Variants in LANCL3 observed in about 807,000 individuals in gnomAD.
LANCL3 encodes the protein LanC like family member 3, also known as lanC-like protein 3.
A neutral mutation model predicts 26.5 loss-of-function variants in LANCL3; 19 were observed. That is an observed-to-expected ratio of 0.72 (90% confidence interval 0.50 to 1.05). The LOEUF (loss-of-function observed/expected upper bound fraction) is 1.05. LANCL3 is among the 50% of genes least tolerant of loss of function. The pLI is 0.00. For synonymous variants in LANCL3, 160 were observed against 166.6 expected, an observed-to-expected ratio of 0.96 and a Z score of 0.30; for missense variants, 318 against 362.7, an observed-to-expected ratio of 0.88 and a Z score of 1.00.
intron 3 of LANCL3, among the ~76,000 whole-genome samples, chrX:37,663,990 T>C (rs1461881008): frequency 9.0e-6 from 1 of 111,584 alleles, no homozygotes; most frequent in Non-Finnish European, 1.9e-5. Flanking sequence ...GGCAAGGAAG[T>C]CAATATTTTG....
In LANCL3 at chrX:37,606,070, G is replaced by A. The variant is rs1344627312; in HGVS notation, c.573+33627G>A. 3.6e-5 allele frequency among the ~76,000 whole-genome samples: 4 copies of A among 111,673 alleles called. No homozygotes were observed. In the Admixed American group the frequency reaches 3.8e-4, roughly 11 times the overall value. On this transcript the variant is annotated intron_variant, in intron 1 of 4. Transcript: ENST00000378619. ...AAGAACACAAAGCAATATCAGCAAA[G>A]GGAGAATTGAATGGATTGAAATACT...
chrX:37,633,757 C>T (rs1393078159), intron 1 of LANCL3, among the ~76,000 whole-genome samples: 3 of 111,694 alleles, frequency 2.7e-5, no homozygotes, highest in South Asian at 3.8e-4. Flanking sequence ...TTTCGTGAAC[C>T]GCAAATGCTG....
chrX:37,664,589 A>T (rs182389410), intron 3 of LANCL3, among the ~76,000 whole-genome samples: 7 of 111,397 alleles, frequency 6.3e-5, no homozygotes, highest in African/African-American at 2.0e-4. Flanking sequence ...TTTGATTCAG[A>T]GGGTACATGT....
intron 1 of LANCL3, among the ~76,000 whole-genome samples, chrX:37,622,197 T>A (rs1160180636): frequency 9.0e-6 from 1 of 111,489 alleles, no homozygotes; most frequent in Admixed American, 9.6e-5. Context: ...GAAACTTGGA[T>A]ACCCATAAAG....
intron 3 of LANCL3, among the ~76,000 whole-genome samples, chrX:37,663,113 C>T (rs1265896776): frequency 8.9e-6 from 1 of 112,359 alleles, no homozygotes; most frequent in Admixed American, 9.4e-5. Context: ...AAATGGGGCA[C>T]TTTATGGTCA....
intron 4 of LANCL3, among the ~76,000 whole-genome samples, chrX:37,672,649 C>A (rs1278290565): frequency 1.8e-5 from 2 of 111,810 alleles, no homozygotes; most frequent in African/African-American, 3.3e-5. Flanking sequence ...TAGTTACTTT[C>A]CAAGCTCAAA....
In LANCL3 at chrX:37,666,583, A is replaced by C. The variant is rs782634928; in HGVS notation, c.896-699A>C. 2.7e-5 allele frequency among the ~76,000 whole-genome samples: 3 copies of C among 112,041 alleles called. No homozygotes were observed. In the South Asian group the frequency reaches 1.1e-3, roughly 42 times the overall value. ...GATACCAACCTCCTCACTGAATATG[A>C]ACACCCAGAACTTGGGGAAAATCAT... On this transcript the variant is annotated intron_variant, in intron 3 of 4. Transcript: ENST00000378619.
intron 1 of LANCL3, among the ~76,000 whole-genome samples, chrX:37,626,869 T>G (rs1233171949): frequency 2.7e-5 from 3 of 111,963 alleles, no homozygotes; most frequent in Non-Finnish European, 3.8e-5. Flanking sequence ...GAATGTGAAT[T>G]AATAATAAGC....
chrX:37,584,043 G>T (rs1411712795), intron 1 of LANCL3, among the ~76,000 whole-genome samples: 3 of 111,763 alleles, frequency 2.7e-5, no homozygotes, highest in African/African-American at 9.8e-5. Context: ...GTTTAATTTT[G>T]TCAAAGGTCT....
At position 37,684,424 on chromosome X, in the gene LANCL3, T is replaced by A. The variant is rs1927008237; in HGVS notation, c.*8611T>A. ...TACAGTACACTTAATGTAAAACCTG[T>A]GATAATCCTTTGCCTTAAAATAAAA... is the stretch of plus-strand genomic sequence containing the variant. On this transcript the variant is annotated 3_prime_UTR_variant, in exon 5 of 5. Coordinates refer to ENST00000378619, the MANE Select transcript of LANCL3 (RefSeq NM_001170331.2). 1 of 112,962 alleles carries A rather than the reference T, an allele frequency of 8.9e-6. No individual in the cohort carries two copies. The highest frequency in any genetic ancestry group is 1.9e-5 in the Non-Finnish European group (1 of 53,377). The allele number at this position is 112,962 out of a possible 1,213,427, so 9.3% of individuals were successfully genotyped here. A position where few individuals can be genotyped will look rare whatever the true frequency, so the allele number is the denominator to read the frequency against.
chrX:37,674,620 A>T (rs1272631951), intron 4 of LANCL3, among the ~76,000 whole-genome samples: 2 of 111,902 alleles, frequency 1.8e-5, no homozygotes, highest in Non-Finnish European at 3.8e-5. Flanking sequence ...TTAAAATTTT[A>T]AATTCCATTT....
chrX:37,650,074 G>C (rs1197435235), intron 1 of LANCL3, among the ~76,000 whole-genome samples: 1 of 109,879 alleles, frequency 9.1e-6, no homozygotes, highest in Non-Finnish European at 1.9e-5. Context: ...GGCCAAGGTG[G>C]GCAGATCGCC....
chrX:37,606,062 T>G lies in LANCL3; in HGVS notation c.573+33619T>G, dbSNP rs1569463879. On this transcript the variant is annotated intron_variant, in intron 1 of 4. Coordinates refer to ENST00000378619, the MANE Select transcript of LANCL3 (RefSeq NM_001170331.2). ...TACAGTGGAAGAACACAAAGCAATATCAGCAAAGGGAGAATTGAATGGATT... is the reference window on the plus strand; with the variant it reads ...TACAGTGGAAGAACACAAAGCAATAGCAGCAAAGGGAGAATTGAATGGATT... 2.7e-5 allele frequency among the ~76,000 whole-genome samples: 3 copies of G among 111,566 alleles called. No homozygotes were observed. The Admixed American group carries it at 2.9e-4, about 11-fold the overall frequency.
chrX:37,651,212 C>T (rs781803334), intron 1 of LANCL3, among the ~76,000 whole-genome samples: 3 of 111,531 alleles, frequency 2.7e-5, no homozygotes, highest in Non-Finnish European at 3.8e-5. Flanking sequence ...GTCTTTACGG[C>T]AGCATGATTT....
chrX:37,608,341 C>G (rs1418859737), intron 1 of LANCL3, among the ~76,000 whole-genome samples: 4 of 111,634 alleles, frequency 3.6e-5, no homozygotes, highest in East Asian at 2.8e-4. Flanking sequence ...ATTGCTGGGC[C>G]CTACCTCAGA....
intron 1 of LANCL3, among the ~76,000 whole-genome samples, chrX:37,630,551 A>G (rs1268077851): frequency 9.3e-6 from 1 of 107,912 alleles, no homozygotes; most frequent in Non-Finnish European, 1.9e-5. Flanking sequence ...GAATGCTTCC[A>G]GTTTTTGCCC....
intron 1 of LANCL3, among the ~76,000 whole-genome samples, chrX:37,633,013 T>G (rs1429607365): frequency 4.1e-4 from 46 of 112,041 alleles, no homozygotes; most frequent in African/African-American, 1.5e-3. Context: ...CTTGCTAGAT[T>G]GGGGAAGTTC....
At chrX:37,599,321 A>G (rs781963341) in intron 1 of LANCL3, among the ~76,000 whole-genome samples, 1 of 112,655 alleles carries the variant, frequency 8.9e-6, no homozygotes, top group East Asian at 2.8e-4. Flanking sequence ...TAGTTTGAAT[A>G]CTATTGATCC....
chrX:37,602,951 A>C (rs1251984645), intron 1 of LANCL3, among the ~76,000 whole-genome samples: 1 of 112,150 alleles, frequency 8.9e-6, no homozygotes, highest in Non-Finnish European at 1.9e-5. Context: ...ATAAAAAGGA[A>C]TGATTTCTGT....
Sources: gnomAD v4.1 joint callset for allele counts (sites outside exome capture counted in the v4.1 genomes callset) on GRCh38, gnomAD v4.1.1 for gene constraint, MANE v1.5 for transcripts, NCBI Gene and HGNC (gene_info 2026-07-23, HGNC 2026-07-21) for gene names.